RYR1: variants seen among roughly 807,000 people sequenced by gnomAD.
RYR1 encodes ryanodine receptor 1, also known as central core disease of muscle.
Under a neutral mutation model 583.5 loss-of-function variants are expected in RYR1, and 342 were observed. That is an observed-to-expected ratio of 0.59 (90% CI 0.54 to 0.64). RYR1 has a LOEUF of 0.64. Ranked by LOEUF, RYR1 falls within the 30% of genes least tolerant of loss-of-function variation. The probability of loss-of-function intolerance (pLI) is 0.00; values close to 1 mark genes in which losing one functional copy is unlikely to be tolerated. For synonymous variants in RYR1, 2,791 were observed against 2,822.5 expected, an observed-to-expected ratio of 0.99 and a Z score of 0.35; for missense variants, 6,032 against 6,917.2, an observed-to-expected ratio of 0.87 and a Z score of 4.54.
chr19:38,559,653 T>C (rs1973037821), intron 89 of RYR1, among the ~76,000 whole-genome samples: 2 of 151,904 alleles, frequency 1.3e-5, no homozygotes, highest in Non-Finnish European at 2.9e-5. Flanking sequence ...TGCTCTGTGG[T>C]TTCTAGAGCC....
At chr19:38,479,326 C>G (rs965693771) in intron 31 of RYR1, among the ~76,000 whole-genome samples, 2 of 152,214 alleles carry the variant, frequency 1.3e-5, no homozygotes, top group African/African-American at 4.8e-5. Flanking sequence ...TATTCACCTA[C>G]CTGTCCATTA....
intron 82 of RYR1, among the ~76,000 whole-genome samples, 183 bp from the exon 83 acceptor site, chr19:38,536,567 T>C (rs1971978172): frequency 6.6e-6 from 1 of 151,554 alleles, no homozygotes; most frequent in Non-Finnish European, 1.5e-5. Flanking sequence ...CCCTCTTCCC[T>C]GCTAATCCAT....
At chr19:38,507,409 G>A (rs1970518479) in intron 57 of RYR1, among the ~76,000 whole-genome samples, 1 of 148,896 alleles carries the variant, frequency 6.7e-6, no homozygotes, top group Admixed American at 6.7e-5. Flanking sequence ...GAGGGGCGGG[G>A]ACTGGTGAGT....
chr19:38,466,216 G>A lies in RYR1; in HGVS notation c.2996G>A (p.Arg999His), dbSNP rs180714609. ...GGGCACAACGTGTGGGCCCGAGACC[G>A]CGTGGGCCAGGGCTGGAGCTACAGC... The part of the protein sequence containing the change: ...ENGHNVWARD[R>H]VGQGWSYSAV... The change falls in exon 24 of 106, where the codon CGC (arginine) becomes CAC (histidine). Residue 999 changes from arginine (R) to histidine (H), a missense_variant. By Grantham distance (29) the Arg-to-His change is conservative. This residue lies in a region of RYR1 where 2,627 missense variants were observed against 2,961.3 expected (regional missense o/e 0.89). Coordinates refer to ENST00000359596, the MANE Select transcript of RYR1 (RefSeq NM_000540.3). 8.0e-5 allele frequency: 129 copies of A among 1,613,444 alleles called. No homozygotes were observed. Among genetic ancestry groups the A allele is most frequent in the Admixed American group, 1.3e-4 (8 of 60,000 alleles).
In RYR1 at chr19:38,448,697, C is replaced by A; in HGVS notation, c.1006C>A (p.Pro336Thr). 1.9e-6 allele frequency: 3 copies of A among 1,614,234 alleles called. No individual in the cohort carries two copies. Among genetic ancestry groups the A allele is most frequent in the Non-Finnish European group, 2.5e-6 (3 of 1,180,044 alleles). ...PKRDVEGMGP[P>T]EIKYGESLCF... The stretch of plus-strand genomic sequence containing the variant: ...GCGGGATGTGGAGGGCATGGGCCCC[C>A]CTGAGATCAAGTACGGGGAGTCACT... The change falls in exon 11 of 106, where the codon CCT (proline) becomes ACT (threonine). Residue 336 changes from proline (P) to threonine (T), a missense_variant. Physicochemically the swap from Pro to Thr is conservative, Grantham distance 38. Coordinates refer to ENST00000359596, the MANE Select transcript of RYR1 (RefSeq NM_000540.3).
intron 93 of RYR1, 127 bp downstream of exon 93, chr19:38,568,044 T>C: frequency 1.7e-6 from 2 of 1,145,018 alleles, no homozygotes; most frequent in South Asian, 2.7e-5. Context: ...GAACCCTAGC[T>C]GGGGAAAGGG....
rs748421460 is a variant in RYR1, at chr19:38,496,241, A to G, written c.6575A>G (p.Tyr2192Cys). The G allele has an allele frequency of 1.9e-6, 3 of 1,613,788 alleles. No homozygotes were observed. The East Asian group carries it at 6.7e-5, about 36-fold the overall frequency. Reference protein sequence around the residue: ...IGNIMNNKVFYQHPNLMRALG... With the variant: ...IGNIMNNKVFCQHPNLMRALG... ...AACATCATGAACAACAAAGTCTTCT[A>G]CCAACACCCGAACCTGATGAGGGCG... is the stretch of plus-strand genomic sequence containing the variant. The change falls in exon 40 of 106, where the codon TAC becomes TGC. Residue 2192 changes from tyrosine to cysteine, a missense_variant. Coordinates refer to ENST00000359596, the MANE Select transcript of RYR1 (RefSeq NM_000540.3). This position sits in a 1 kb window ranked among gnomAD's most constrained non-coding sequence, Gnocchi z 4.8.
In RYR1 at chr19:38,504,449, G is replaced by A; in HGVS notation, c.8067+89G>A. 3 of 1,523,210 alleles carry A rather than the reference G, an allele frequency of 2.0e-6. No homozygotes were observed. In the South Asian group the frequency reaches 3.7e-5, roughly 19 times the overall value. 94.4% of individuals were successfully genotyped at this position (1,523,210 alleles called of 1,614,324 possible). A position where few individuals can be genotyped will look rare whatever the true frequency, so the allele number is the denominator to read the frequency against. On this transcript the variant is annotated intron_variant, in intron 50 of 105. Transcript: ENST00000359596. ...CCAGAGTGAAATCCCTCAATTTTGG[G>A]GGGTTCAAGGAGGAGAAGGTTCTGC...
chr19:38,522,873 T>G (rs558750686), intron 67 of RYR1, among the ~76,000 whole-genome samples, 155 bp from the exon 68 acceptor site: 2 of 152,174 alleles, frequency 1.3e-5, no homozygotes, highest in East Asian at 3.9e-4. Flanking sequence ...AAAAATTTTT[T>G]TAATGTTCAT....
chr19:38,535,954 A>G (rs1362795056), intron 81 of RYR1, 43 bp from the exon 82 acceptor site: 1 of 1,580,082 alleles, frequency 6.3e-7, no homozygotes, highest in East Asian at 2.2e-5. Context: ...AGGAGGGCAG[A>G]GGCTTCATCA....
chr19:38,586,708 CG>C, intron 105 of RYR1, 132 bp downstream of exon 105: 2 of 886,108 alleles, frequency 2.3e-6, no homozygotes, highest in Non-Finnish European at 3.7e-6. Context: ...CGGCGGCTCA[CG>C]CCTGTAATCC....
intron 27 of RYR1, among the ~76,000 whole-genome samples, chr19:38,471,549 C>T (rs1464591428): frequency 6.6e-6 from 1 of 151,456 alleles, no homozygotes; most frequent in African/African-American, 2.4e-5. Flanking sequence ...AGAGTGAATG[C>T]AGAAACCAGA....
In RYR1 at chr19:38,474,564, CTTTTTTTTTTTTTT is replaced by C. The variant is rs970000046; in HGVS notation, c.4161-739_4161-726del. On this transcript the variant is annotated intron_variant, in intron 28 of 105. Coordinates refer to ENST00000359596, the MANE Select transcript of RYR1 (RefSeq NM_000540.3). ...AGACATGAGCTACCACGCCCGGCTC[CTTTTTTTTTTTTTT>C]TTTTTTTTTTTTTTGAGATGGAGTC... is the stretch of plus-strand genomic sequence containing the variant. Among the ~76,000 whole-genome samples, 232 of 88,232 alleles carry C rather than the reference CTTTTTTTTTTTTTT, an allele frequency of 2.6e-3. 2 individuals carry two copies. The highest frequency in any genetic ancestry group is 4.0e-3 in the Non-Finnish European group (183 of 45,336). The allele number at this position is 88,232 out of a possible 152,430, so 57.9% of individuals were successfully genotyped here. A position where few individuals can be genotyped will look rare whatever the true frequency, so the allele number is the denominator to read the frequency against.
chr19:38,561,352 C>A lies in RYR1; in HGVS notation c.12522C>A (p.Arg4174=). Residue 4174 remains arginine, a synonymous_variant, in exon 90 of 106, where the codon CGC becomes CGA. Transcript: ENST00000359596. The surrounding 1 kb of genome is among the most constrained non-coding windows in gnomAD (Gnocchi z 4.8). ...CCGAGAGCATCCTTGAGTACTTCCG[C>A]CCCTACCTGGGCCGCATCGAGATCA... The part of the protein sequence containing the change: ...ELAESILEYF[R]PYLGRIEIMG... 6.2e-7 allele frequency: 1 copy of A among 1,613,934 alleles called. No individual in the cohort carries two copies. The highest frequency in any genetic ancestry group is 8.5e-7 in the Non-Finnish European group (1 of 1,180,028).
Position 38,575,865 on chromosome 19 carries a change from G to A in RYR1, c.14130-54G>A, listed in dbSNP as rs529124929. The A allele has an allele frequency of 3.6e-5, 57 of 1,595,400 alleles. 1 individual carries two copies. In the East Asian group the frequency reaches 8.7e-4, roughly 24 times the overall value. ...CAACCCTGTCGTGGCTGACAGCTCT[G>A]ATCCCTCTGGCCCTAACATCTTATA... is the stretch of plus-strand genomic sequence containing the variant. On this transcript the variant is annotated intron_variant, in intron 96 of 105. Transcript: ENST00000359596.
chr19:38,494,293 G>A (rs996199486), intron 38 of RYR1, 59 bp from the exon 39 acceptor site: 1 of 1,605,982 alleles, frequency 6.2e-7, no homozygotes, highest in East Asian at 2.2e-5. Context: ...CTGGTCCAAG[G>A]CCCCATGTGC....
chr19:38,440,787 G>A lies in RYR1; in HGVS notation c.88G>A (p.Glu30Lys), dbSNP rs746378173. ...VLQCSATVLK[E>K]QLKLCLAAEG... ...GCAGTGCAGCGCTACCGTGCTCAAG[G>A]AGCAGCTCAAGCTCTGCCTGGCCGC... is the stretch of plus-strand genomic sequence containing the variant. The change falls in exon 2 of 106, where the codon GAG becomes AAG. Residue 30 changes from glutamate to lysine, a missense_variant. By Grantham distance (56) the Glu-to-Lys change is moderately conservative. Coordinates refer to ENST00000359596, the MANE Select transcript of RYR1 (RefSeq NM_000540.3). The A allele has an allele frequency of 2.5e-6, 4 of 1,609,318 alleles. No homozygotes were observed. The South Asian group carries it at 4.4e-5, about 18-fold the overall frequency.
At chr19:38,568,185 C>T (rs1196845144) in intron 93 of RYR1, among the ~76,000 whole-genome samples, 2 of 152,220 alleles carry the variant, frequency 1.3e-5, no homozygotes. Context: ...CCCACCCACA[C>T]TTCCACCTCC....
chr19:38,564,675 C>T (rs1366990780), intron 90 of RYR1, among the ~76,000 whole-genome samples: 1 of 152,056 alleles, frequency 6.6e-6, no homozygotes, highest in East Asian at 1.9e-4. Flanking sequence ...GCCACCACAC[C>T]GGCTAATTTT....
Sources: gnomAD v4.1 joint callset for allele counts (sites outside exome capture counted in the v4.1 genomes callset) on GRCh38, gnomAD v4.1.1 for gene constraint, gnomAD v4.1.1 regional missense constraint, Gnocchi (gnomAD v3.1) non-coding constraint, MANE v1.5 for transcripts, NCBI Gene and HGNC (gene_info 2026-07-23, HGNC 2026-07-21) for gene names.